The following TNNT2 variants were observed in gnomAD, a reference collection of about 807,000 sequenced individuals.
TNNT2 encodes the protein troponin T, cardiac muscle.
Under a neutral mutation model 62.4 loss-of-function variants are expected in TNNT2, and 34 were observed. That is an observed-to-expected ratio of 0.54 (90% CI 0.41 to 0.72). The LOEUF (loss-of-function observed/expected upper bound fraction) is 0.72, where lower values mean the gene tolerates loss of function less well. Ranked by LOEUF, TNNT2 falls within the 30% of genes least tolerant of loss-of-function variation. The probability of loss-of-function intolerance (pLI) is 0.00; values close to 1 mark genes in which losing one functional copy is unlikely to be tolerated. For synonymous variants in TNNT2, 123 were observed against 127.2 expected, an observed-to-expected ratio of 0.97 and a Z score of 0.22; for missense variants, 275 against 381.9, an observed-to-expected ratio of 0.72 and a Z score of 2.33.
intron 14 of TNNT2, among the ~76,000 whole-genome samples, chr1:201,361,580 G>C (rs78081578): frequency 6.6e-6 from 1 of 152,316 alleles, no homozygotes; most frequent in African/African-American, 2.4e-5. Context: ...GGACTGCCAG[G>C]GCAAAGTTCC....
In TNNT2 at chr1:201,368,211, C is replaced by A; in HGVS notation, c.114G>T (p.Ala38=). The A allele has an allele frequency of 1.2e-6, 2 of 1,614,132 alleles. No homozygotes were observed. The highest frequency in any genetic ancestry group is 1.7e-5 in the Admixed American group (1 of 60,020). ...REDEDEQEEA[A]EEDAEAEAET... is the part of the protein sequence containing the mutation. ...CAGCCTCTGCTTCAGCATCCTCTTC[C>A]GCTGCCTCCTCCTGCTCTGGAGAAG... The change falls in exon 6 of 17, where the codon GCG becomes GCT. Residue 38 remains alanine (A), a synonymous_variant. Transcript: ENST00000656932.
At chr1:201,376,378 C>T (rs1425726377) in intron 1 of TNNT2, among the ~76,000 whole-genome samples, 1 of 152,170 alleles carries the variant, frequency 6.6e-6, no homozygotes, top group Non-Finnish European at 1.5e-5. Context: ...GAGTTCTGTC[C>T]CTGTAGAAAC....
intron 8 of TNNT2, chr1:201,366,488 C>G (rs995252021): frequency 8.5e-7 from 1 of 1,183,222 alleles, no homozygotes; most frequent in Non-Finnish European, 1.1e-6. Flanking sequence ...TGGCTCCCCA[C>G]AATTTGCTTC....
At chr1:201,359,574 A>C (rs1262265471) in intron 16 of TNNT2, 49 bp downstream of exon 16, 1 of 1,551,138 alleles carries the variant, frequency 6.4e-7, no homozygotes, top group Non-Finnish European at 8.8e-7. Flanking sequence ...GAAGGTAGGG[A>C]AGGAGGGGGC....
intron 7 of TNNT2, 144 bp from the exon 8 acceptor site, chr1:201,367,015 C>G (rs1430915299): frequency 1.5e-6 from 2 of 1,368,722 alleles, no homozygotes; most frequent in South Asian, 2.4e-5. Context: ...GCCCTGATTC[C>G]AGAAGCATCC....
intron 12 of TNNT2, 50 bp from the exon 13 acceptor site, chr1:201,362,444 G>T (rs1419363272): frequency 1.2e-6 from 2 of 1,600,962 alleles, no homozygotes; most frequent in Non-Finnish European, 8.6e-7. Flanking sequence ...GACCAAGACG[G>T]CAACAGAGAC....
Position 201,368,143 on chromosome 1 carries a change from C to T in TNNT2, c.163+19G>A. ...CTCGCCACCCCCTGAGGCCCCTGCA[C>T]CCTCAACCAGAGACTTACCTTCTGC... On this transcript the variant is annotated intron_variant, in intron 6 of 16. Coordinates refer to ENST00000656932, the MANE Select transcript of TNNT2 (RefSeq NM_001276345.2). 6.2e-7 allele frequency: 1 copy of T among 1,613,798 alleles called. No homozygotes were observed. Among genetic ancestry groups the T allele is most frequent in the South Asian group, 1.1e-5 (1 of 91,078 alleles).
At chr1:201,372,278 G>A in intron 2 of TNNT2, 123 bp from the exon 3 acceptor site, 1 of 1,431,410 alleles carries the variant, frequency 7.0e-7, no homozygotes. Flanking sequence ...TTCCCTTGTT[G>A]CCTAGTGGAG....
intron 1 of TNNT2, chr1:201,373,660 A>C: frequency 6.9e-6 from 2 of 288,678 alleles, no homozygotes; most frequent in East Asian, 8.4e-5. Context: ...TGCAGCCTCA[A>C]CCTTCTGGGC....
chr1:201,373,507 C>T, intron 1 of TNNT2: 2 of 569,306 alleles, frequency 3.5e-6, no homozygotes, highest in Admixed American at 2.9e-5. Flanking sequence ...CCTGAACAGG[C>T]AATACTGCCT....
intron 5 of TNNT2, chr1:201,369,331 T>C (rs1047650593): frequency 4.2e-6 from 2 of 472,830 alleles, no homozygotes; most frequent in Non-Finnish European, 4.4e-6. Flanking sequence ...TGACGTCATG[T>C]CCTTCCTGCT....
Position 201,359,625 on chromosome 1 carries a change from T to A in TNNT2, c.849A>T (p.Lys283Asn). ...CGAGAATGACCTCAGACACTTACAC[T>A]TTCTGGTTATCGTTGATCCTGTTTC... ...VLRNRINDNQKVSKTRGKAKV... is the reference protein window; with the variant it reads ...VLRNRINDNQNVSKTRGKAKV... Residue 283 changes from lysine (K) to asparagine (N), a missense_variant and splice_region_variant, in exon 16 of 17, where the codon AAA (lysine) becomes AAT (asparagine). By Grantham distance (94) the Lys-to-Asn change is moderately conservative. Transcript: ENST00000656932. The A allele has an allele frequency of 6.3e-7, 1 of 1,599,802 alleles. No homozygotes were observed. Among genetic ancestry groups the A allele is most frequent in the Non-Finnish European group, 8.5e-7 (1 of 1,171,720 alleles).
At position 201,363,352 on chromosome 1, in the gene TNNT2, C is replaced by A. The variant is rs730881097; in HGVS notation, c.544G>T (p.Ala182Ser). The A allele has an allele frequency of 9.9e-6, 16 of 1,614,072 alleles. No homozygotes were observed. Among genetic ancestry groups the A allele is most frequent in the Non-Finnish European group, 1.2e-5 (14 of 1,180,042 alleles). ...TTGGACAAAGCCTTCTTCTTCCGGG[C>A]CTCATCCTCAGCCTTCCTCCTGTTC... The part of the protein sequence containing the change: ...EENRRKAEDE[A>S]RKKKALSNMM... Residue 182 changes from alanine (A) to serine (S), a missense_variant, in exon 12 of 17, where the codon GCC (alanine) becomes TCC (serine). Ala to Ser is a moderately conservative substitution (Grantham distance 99, BLOSUM62 1). Coordinates refer to ENST00000656932, the MANE Select transcript of TNNT2 (RefSeq NM_001276345.2).
At chr1:201,373,660 A>G in intron 1 of TNNT2, 1 of 288,680 alleles carries the variant, frequency 3.5e-6, no homozygotes, top group Non-Finnish European at 6.7e-6. Flanking sequence ...TGCAGCCTCA[A>G]CCTTCTGGGC....
At chr1:201,372,211 C>T (rs1660731461) in intron 2 of TNNT2, 56 bp from the exon 3 acceptor site, 6 of 1,611,560 alleles carry the variant, frequency 3.7e-6, no homozygotes, top group Non-Finnish European at 5.1e-6. Context: ...TGCAAACACA[C>T]ACGCCTGCAC....
rs911607144 is a variant in TNNT2, at chr1:201,368,505, G to A, written c.98-278C>T. On this transcript the variant is annotated intron_variant, in intron 5 of 16. Coordinates refer to ENST00000656932, the MANE Select transcript of TNNT2 (RefSeq NM_001276345.2). ...CTTTCCAGCCCAGAAGTTCCACCCC[G>A]TGTCTGGCACCACAGAACATGCTCT... The A allele has an allele frequency of 1.2e-4, 66 of 544,390 alleles. 1 individual carries two copies. Among genetic ancestry groups the A allele is most frequent in the Middle Eastern group, 4.1e-4 (1 of 2,432 alleles). 33.7% of individuals were successfully genotyped at this position (544,390 alleles called of 1,614,324 possible).
intron 1 of TNNT2, chr1:201,373,946 A>G (rs1049133124): frequency 7.7e-5 from 12 of 156,080 alleles, no homozygotes; most frequent in African/African-American, 2.6e-4. Flanking sequence ...TGGACAAATG[A>G]GTGAGAACTT....
chr1:201,366,544 G>A (rs1200757418), intron 8 of TNNT2: 20 of 1,310,520 alleles, frequency 1.5e-5, no homozygotes, highest in Non-Finnish European at 2.0e-5. Flanking sequence ...GGGTGTTCTG[G>A]CCATACTGTG....
At chr1:201,372,445 G>A (rs920888516) in intron 2 of TNNT2, among the ~76,000 whole-genome samples, 14 of 152,080 alleles carry the variant, frequency 9.2e-5, no homozygotes, top group Admixed American at 5.2e-4. Flanking sequence ...TGCCCAAGCT[G>A]TACCCCTTTC....
Sources: allele counts gnomAD v4.1 joint callset (sites outside exome capture counted in the v4.1 genomes callset), GRCh38; gene constraint gnomAD v4.1.1; transcripts MANE v1.5; gene names NCBI Gene and HGNC (gene_info 2026-07-23, HGNC 2026-07-21).